The following BCAS3 variants were observed in gnomAD, a reference collection of about 807,000 sequenced individuals.
BCAS3 encodes the protein BCAS3 microtubule associated cell migration factor, also known as BCAS4/BCAS3 fusion.
Under a neutral mutation model 116.1 loss-of-function variants are expected in BCAS3, and 53 were observed. The observed-to-expected ratio is 0.46, with a 90% CI of 0.37 to 0.57. The LOEUF is 0.57. Ranked by LOEUF, BCAS3 falls within the 20% of genes least tolerant of loss-of-function variation. The pLI is 0.00. For synonymous variants in BCAS3, 391 were observed against 408.2 expected (o/e 0.96, Z 0.51); for missense variants, 917 against 1,165.4 (o/e 0.79, Z 3.10).
At chr17:60,937,070 C>G (rs1193822894) in intron 13 of BCAS3, among the ~76,000 whole-genome samples, 1 of 152,128 alleles carries the variant, frequency 6.6e-6, no homozygotes, top group Non-Finnish European at 1.5e-5. Flanking sequence ...TTTCAGCTTT[C>G]TACATATGGC....
chr17:60,920,744 C>A (rs2059027700), intron 12 of BCAS3, among the ~76,000 whole-genome samples: 2 of 152,018 alleles, frequency 1.3e-5, no homozygotes, highest in African/African-American at 4.8e-5. Flanking sequence ...GTGGCGGGTG[C>A]CCATAGTCCC....
chr17:61,194,740 CAAAAAA>C (rs35551914), intron 22 of BCAS3, among the ~76,000 whole-genome samples: 1 of 122,914 alleles, frequency 8.1e-6, no homozygotes, highest in African/African-American at 3.3e-5. Flanking sequence ...GACTCTGTCT[CAAAAAA>C]AAAAAAAAAA....
Position 61,325,079 on chromosome 17 carries a change from G to C in BCAS3, c.2426-43248G>C, listed in dbSNP as rs189520748. Among the ~76,000 whole-genome samples the C allele has an allele frequency of 5.9e-5, 9 of 152,202 alleles. 1 individual carries two copies. The highest frequency in any genetic ancestry group is 5.9e-4 in the Admixed American group (9 of 15,290). On this transcript the variant is annotated intron_variant, in intron 22 of 23. Coordinates refer to ENST00000407086, the MANE Select transcript of BCAS3 (RefSeq NM_017679.5). The surrounding 1 kb of genome is among the most constrained non-coding windows in gnomAD (Gnocchi z 6.4). ...GAGGCCATCCCACCATGCACAGTTA[G>C]CCTGGGCTTTAAAACCCCGCTCCCT...
chr17:61,103,823 A>G (rs772785097), intron 22 of BCAS3, among the ~76,000 whole-genome samples: 2 of 152,174 alleles, frequency 1.3e-5, no homozygotes, highest in Non-Finnish European at 2.9e-5. Context: ...AAATGTTACT[A>G]TTTTTATAAC....
At chr17:61,212,597 A>G (rs964601480) in intron 22 of BCAS3, among the ~76,000 whole-genome samples, 4 of 151,602 alleles carry the variant, frequency 2.6e-5, no homozygotes, top group African/African-American at 4.8e-5. Context: ...TAAAAATAAC[A>G]TATACATGTA....
At chr17:61,273,731 C>CT (rs71355183) in intron 22 of BCAS3, among the ~76,000 whole-genome samples, 10,333 of 138,718 alleles carry the variant, frequency 0.074, 499 homozygotes, top group African/African-American at 0.13. Context: ...TGGCTCTGTT[C>CT]TTTTTTTTTT....
At position 61,257,420 on chromosome 17, in the gene BCAS3, C is replaced by CAAAAAAAAAAA. The variant is rs35124459; in HGVS notation, c.2426-110894_2426-110884dup. ...TGGGAGACAGAGCGAGACTCCATCT[C>CAAAAAAAAAAA]AAAAAAAAAAAAAAAAAAAAAAAGG... On this transcript the variant is annotated intron_variant, in intron 22 of 23. Transcript: ENST00000407086. Among the ~76,000 whole-genome samples the CAAAAAAAAAAA allele has an allele frequency of 3.5e-5, 2 of 57,214 alleles. 1 individual carries two copies. 37.5% of individuals were successfully genotyped at this position (57,214 alleles called of 152,430 possible).
intron 22 of BCAS3, among the ~76,000 whole-genome samples, chr17:61,110,547 C>G (rs981845297): frequency 6.6e-6 from 1 of 151,956 alleles, no homozygotes; most frequent in African/African-American, 2.4e-5. Flanking sequence ...GCTTAAAAAA[C>G]GGCGCACCAC....
intron 22 of BCAS3, among the ~76,000 whole-genome samples, chr17:61,178,131 T>C (rs1389480850): frequency 6.6e-6 from 1 of 152,194 alleles, no homozygotes; most frequent in East Asian, 1.9e-4. Flanking sequence ...AGGTTCTGGT[T>C]GGGTGGGCTG....
intron 13 of BCAS3, among the ~76,000 whole-genome samples, chr17:60,934,717 C>T (rs760468077): frequency 2.6e-5 from 4 of 152,186 alleles, no homozygotes; most frequent in South Asian, 2.1e-4. Flanking sequence ...ATTTTTTGAA[C>T]ATTGCTCTAA....
chr17:60,714,649 T>C (rs1416199023), intron 5 of BCAS3, among the ~76,000 whole-genome samples: 1 of 152,166 alleles, frequency 6.6e-6, no homozygotes, highest in South Asian at 2.1e-4. Context: ...TGAGACTGTC[T>C]CATAAAGACA....
chr17:61,320,779 A>C (rs2055147461), intron 22 of BCAS3, among the ~76,000 whole-genome samples: 1 of 152,116 alleles, frequency 6.6e-6, no homozygotes, highest in African/African-American at 2.4e-5. Flanking sequence ...GGGTATAATT[A>C]AACCTTTTCT....
intron 6 of BCAS3, among the ~76,000 whole-genome samples, chr17:60,794,442 C>G (rs2047040237): frequency 1.3e-5 from 2 of 152,106 alleles, no homozygotes; most frequent in Non-Finnish European, 2.9e-5. Flanking sequence ...GTTTTTATTG[C>G]ATTTGCTTTT....
At position 61,380,356 on chromosome 17, in the gene BCAS3, G is replaced by A. The variant is rs2059546398; in HGVS notation, c.2594-11621G>A. On this transcript the variant is annotated intron_variant, in intron 23 of 23. Coordinates refer to ENST00000407086, the MANE Select transcript of BCAS3 (RefSeq NM_017679.5). This position sits in a 1 kb window ranked among gnomAD's most constrained non-coding sequence, Gnocchi z 4.2. The stretch of plus-strand genomic sequence containing the variant: ...AAATCTGTAAAACCCTAGATGTGCT[G>A]TGCCTGGGAACAGACCATGAACACC... The A allele has an allele frequency of 1.5e-6, 1 of 677,230 alleles. No individual in the cohort carries two copies. Among genetic ancestry groups the A allele is most frequent in the Non-Finnish European group, 2.6e-6 (1 of 384,656 alleles). 42.0% of individuals were successfully genotyped at this position (677,230 alleles called of 1,614,324 possible). A position where few individuals can be genotyped will look rare whatever the true frequency, so the allele number is the denominator to read the frequency against.
At chr17:60,905,702 G>C (rs1222947899) in intron 11 of BCAS3, among the ~76,000 whole-genome samples, 1 of 152,190 alleles carries the variant, frequency 6.6e-6, no homozygotes, top group African/African-American at 2.4e-5. Context: ...CACAAGGAAT[G>C]GGTTTAAGAG....
Position 61,365,066 on chromosome 17 carries a change from C to A in BCAS3, c.2426-3261C>A, listed in dbSNP as rs2058655032. Among the ~76,000 whole-genome samples the A allele has an allele frequency of 6.6e-6, 1 of 152,222 alleles. No homozygotes were observed. Among genetic ancestry groups the A allele is most frequent in the South Asian group, 2.1e-4 (1 of 4,832 alleles). On this transcript the variant is annotated intron_variant, in intron 22 of 23. Transcript: ENST00000407086. This position sits in a 1 kb window ranked among gnomAD's most constrained non-coding sequence, Gnocchi z 4.6. ...CATTTATCTACTGCAGTCCTCACAA[C>A]AATCCTATGTGGTTGTATTGTTTTT...
intron 13 of BCAS3, among the ~76,000 whole-genome samples, chr17:60,937,871 G>A (rs889205861): frequency 5.8e-4 from 88 of 152,106 alleles, no homozygotes; most frequent in African/African-American, 2.1e-3. Flanking sequence ...ATCTGTATCT[G>A]TAATTTTTCC....
chr17:60,732,593 C>T lies in BCAS3; in HGVS notation c.322-14605C>T, dbSNP rs1421852566. On this transcript the variant is annotated intron_variant, in intron 5 of 23. Transcript: ENST00000407086. ...TGGTGGCTCACACCTGTAATCCCAG[C>T]ACTTTGGGAGGCTGAGGCGGGCAGA... Among the ~76,000 whole-genome samples, 4 of 152,252 alleles carry T rather than the reference C, an allele frequency of 2.6e-5. No homozygotes were observed. The East Asian group carries it at 7.7e-4, about 29-fold the overall frequency.
chr17:61,298,100 C>A (rs1435416374), intron 22 of BCAS3, among the ~76,000 whole-genome samples: 1 of 152,170 alleles, frequency 6.6e-6, no homozygotes, highest in African/African-American at 2.4e-5. Flanking sequence ...TTTCTAGAGT[C>A]ACTTTCAGCA....
Sources: allele counts gnomAD v4.1 joint callset (sites outside exome capture counted in the v4.1 genomes callset), GRCh38; gene constraint gnomAD v4.1.1; non-coding constraint Gnocchi (gnomAD v3.1); transcripts MANE v1.5; gene names NCBI Gene and HGNC (gene_info 2026-07-23, HGNC 2026-07-21).